Variants in MYOM2 observed in about 807,000 individuals in gnomAD.
MYOM2 encodes myomesin 2, also known as myomesin-2.
In MYOM2, 254 loss-of-function variants were observed where a neutral mutation model predicts 187.6. The ratio of observed to expected loss-of-function variants is 1.35; its 90% confidence interval spans 1.22 to 1.50. The LOEUF is 1.50. Ranked by LOEUF, MYOM2 falls within the 40% of genes most tolerant of loss-of-function variation. The pLI is 0.00. For synonymous variants in MYOM2, 981 were observed against 753.8 expected (o/e 1.30, Z -4.94); for missense variants, 2,796 against 1,924.0 (o/e 1.45, Z -8.48).
At chr8:2,045,249 A>T (rs1385171867) in intron 1 of MYOM2, 81 bp downstream of exon 1, 1 of 152,214 alleles carries the variant, frequency 6.6e-6, no homozygotes, top group Non-Finnish European at 1.5e-5. Context: ...ACATTTTCTA[A>T]GTACCTCTAC....
intron 6 of MYOM2, among the ~76,000 whole-genome samples, chr8:2,063,013 T>C (rs1186185072): frequency 1.3e-5 from 2 of 152,184 alleles, no homozygotes; most frequent in African/African-American, 2.4e-5. Flanking sequence ...TCCCCTAATA[T>C]AGGTCTCCTC....
In MYOM2 at chr8:2,104,438, T is replaced by C. The variant is rs569802941; in HGVS notation, c.2734+1657T>C. ...TAACACAGTGAAACCCCGTCTCTAC[T>C]AAAAAATACAAAAAGAATTAGCTGG... On this transcript the variant is annotated intron_variant, in intron 21 of 36. Transcript: ENST00000262113. Among the ~76,000 whole-genome samples, 447 of 151,856 alleles carry C rather than the reference T, an allele frequency of 2.9e-3. 1 individual carries two copies. The highest frequency in any genetic ancestry group is 0.01 in the African/African-American group (433 of 41,440).
chr8:2,113,779 G>C (rs1797146515), intron 25 of MYOM2, among the ~76,000 whole-genome samples: 1 of 152,200 alleles, frequency 6.6e-6, no homozygotes, highest in Non-Finnish European at 1.5e-5. Context: ...AGAGACCACA[G>C]CCACCTCAAT....
At chr8:2,057,127 A>G (rs1818692194) in intron 3 of MYOM2, among the ~76,000 whole-genome samples, 1 of 152,246 alleles carries the variant, frequency 6.6e-6, no homozygotes, top group African/African-American at 2.4e-5. Context: ...TAAATCACAT[A>G]CATGTTCTTC....
At chr8:2,132,498 C>T (rs1291326066) in intron 32 of MYOM2, among the ~76,000 whole-genome samples, 1 of 152,188 alleles carries the variant, frequency 6.6e-6, no homozygotes, top group East Asian at 1.9e-4. Context: ...ATCATCTAGA[C>T]ATGGCTAGAT....
At chr8:2,108,733 A>G (rs376792898) in intron 23 of MYOM2, 53 bp from the exon 24 acceptor site, 5 of 1,594,396 alleles carry the variant, frequency 3.1e-6, no homozygotes, top group South Asian at 2.2e-5. Context: ...GTTGTCTACA[A>G]ACTTCTCTAG....
At chr8:2,093,450 G>A (rs1240425808) in intron 16 of MYOM2, among the ~76,000 whole-genome samples, 2 of 152,172 alleles carry the variant, frequency 1.3e-5, no homozygotes, top group African/African-American at 4.8e-5. Context: ...TGTAGTGCCT[G>A]CAATAGTGCT....
chr8:2,101,097 G>T lies in MYOM2; in HGVS notation c.2619+43G>T, dbSNP rs754046019. On this transcript the variant is annotated intron_variant, in intron 20 of 36. Coordinates refer to ENST00000262113, the MANE Select transcript of MYOM2 (RefSeq NM_003970.4). ...GTGGTGGCTCATGCCTGTAATCCCA[G>T]CACTTTGGGAGGTAAAGGCGGGCCA... 6 of 1,599,698 alleles carry T rather than the reference G, an allele frequency of 3.8e-6. No homozygotes were observed. In the Admixed American group the frequency reaches 8.5e-5, roughly 23 times the overall value.
intron 9 of MYOM2, 83 bp from the exon 10 acceptor site, chr8:2,073,256 G>C: frequency 6.7e-7 from 1 of 1,481,958 alleles, no homozygotes; most frequent in East Asian, 2.3e-5. Context: ...GTCCCGCTCT[G>C]AGACGACGCT....
In MYOM2 at chr8:2,106,232, TC is replaced by T. The variant is rs753304577; in HGVS notation, c.2735-9del. 6.2e-7 allele frequency: 1 copy of T among 1,613,856 alleles called. No individual in the cohort carries two copies. Among genetic ancestry groups the T allele is most frequent in the Non-Finnish European group, 8.5e-7 (1 of 1,179,872 alleles). ...CCCTAAGCCGCTCACTTCATACTCTTCTTATGCAGGCACCAAGGAAATCAGT... is the reference window on the plus strand; with the variant it reads ...CCCTAAGCCGCTCACTTCATACTCTTTTATGCAGGCACCAAGGAAATCAGT... On this transcript the variant is annotated splice_polypyrimidine_tract_variant and intron_variant, in intron 21 of 36. Transcript: ENST00000262113.
intron 30 of MYOM2, 81 bp from the exon 31 acceptor site, chr8:2,124,098 A>G: frequency 7.4e-7 from 1 of 1,351,920 alleles, no homozygotes; most frequent in Non-Finnish European, 1.0e-6. Context: ...AATTTCCTGC[A>G]TCGATTTAAT....
chr8:2,079,306 C>T (rs898392541), intron 12 of MYOM2, among the ~76,000 whole-genome samples: 3 of 151,966 alleles, frequency 2.0e-5, no homozygotes, highest in East Asian at 1.9e-4. Context: ...CTTAATGGGA[C>T]TGGGCCCTTC....
At chr8:2,138,198 G>A (rs530762114) in intron 32 of MYOM2, among the ~76,000 whole-genome samples, 3 of 152,326 alleles carry the variant, frequency 2.0e-5, no homozygotes, top group Non-Finnish European at 2.9e-5. Context: ...TGGCAAGTCC[G>A]TGTTGCCTTT....
chr8:2,126,581 C>T (rs1339464650), intron 31 of MYOM2, among the ~76,000 whole-genome samples: 1 of 152,096 alleles, frequency 6.6e-6, no homozygotes, highest in Non-Finnish European at 1.5e-5. Context: ...CACACTGATG[C>T]ATACAGACTC....
chr8:2,105,805 G>T (rs1465707950), intron 21 of MYOM2, among the ~76,000 whole-genome samples: 1 of 152,212 alleles, frequency 6.6e-6, no homozygotes, highest in Non-Finnish European at 1.5e-5. Flanking sequence ...GTAAGATGAG[G>T]TCTCTGCATT....
chr8:2,084,932 C>T (rs961693055), intron 13 of MYOM2: 12 of 300,814 alleles, frequency 4.0e-5, no homozygotes, highest in Non-Finnish European at 6.2e-5. Context: ...AGATTCCCAA[C>T]ACAGTCAGAG....
In MYOM2 at chr8:2,075,527, A is replaced by G. The variant is rs80002095; in HGVS notation, c.1121-614A>G. On this transcript the variant is annotated intron_variant, in intron 10 of 36. Coordinates refer to ENST00000262113, the MANE Select transcript of MYOM2 (RefSeq NM_003970.4). ...GCTCACCCTGCTAAGCATGCGTCACAGGGCAGCCAGGGCTGCTGAATAAAT... is the reference window on the plus strand; with the variant it reads ...GCTCACCCTGCTAAGCATGCGTCACGGGGCAGCCAGGGCTGCTGAATAAAT... Among the ~76,000 whole-genome samples the G allele has an allele frequency of 1.8e-3, 267 of 152,326 alleles. 3 individuals are homozygous for G. In the East Asian group the frequency reaches 0.034, roughly 20 times the overall value.
At chr8:2,108,707 CGT>C (rs1796971317) in intron 23 of MYOM2, 77 bp from the exon 24 acceptor site, 6 of 1,372,506 alleles carry the variant, frequency 4.4e-6, no homozygotes, top group Non-Finnish European at 6.2e-6. Flanking sequence ...CAATCTTGCT[CGT>C]GTGTCGCCTT....
chr8:2,064,097 C>T (rs938688420), intron 6 of MYOM2, among the ~76,000 whole-genome samples: 8 of 152,220 alleles, frequency 5.3e-5, no homozygotes, highest in Non-Finnish European at 1.5e-5. Context: ...CCCAAGTGGA[C>T]ACAGGCTAAG....
Sources: allele counts gnomAD v4.1 joint callset (sites outside exome capture counted in the v4.1 genomes callset), GRCh38; gene constraint gnomAD v4.1.1; transcripts MANE v1.5; gene names NCBI Gene and HGNC (gene_info 2026-07-23, HGNC 2026-07-21).